CHD1L: variants seen among roughly 807,000 people sequenced by gnomAD.
The protein encoded by CHD1L is chromodomain helicase DNA binding protein 1 like.
A neutral mutation model predicts 115.9 loss-of-function variants in CHD1L; 118 were observed. That is an observed-to-expected ratio of 1.02 (90% CI 0.88 to 1.19). CHD1L has a LOEUF of 1.19. Among genes scored for constraint, CHD1L ranks in the 50% most tolerant of loss-of-function variants. CHD1L has a pLI of 0.00. For missense variants in CHD1L, 1,179 were observed against 1,065.3 expected, an observed-to-expected ratio of 1.11 and a Z score of -1.49; for synonymous variants, 411 against 387.1, an observed-to-expected ratio of 1.06 and a Z score of -0.72.
the CHD1L span, chr1:147,211,673 A>C: frequency 3.3e-5 from 5 of 152,254 alleles, no homozygotes; most frequent in African/African-American, 9.6e-5. Flanking sequence ...AACAAAATAC[A>C]ATATTGGCAT....
intron 13 of CHD1L, 150 bp from the exon 14 acceptor site, chr1:147,275,954 G>A (rs782025839): frequency 2.8e-6 from 2 of 707,678 alleles, no homozygotes; most frequent in Middle Eastern, 4.1e-4. Flanking sequence ...TCTCTAACAA[G>A]TGCTCAGGAC....
intron 21 of CHD1L, among the ~76,000 whole-genome samples, chr1:147,294,182 C>T (rs1406101070): frequency 6.6e-6 from 1 of 152,176 alleles, no homozygotes; most frequent in East Asian, 1.9e-4. Flanking sequence ...TTTGCCTCCA[C>T]CAATCATAAT....
At chr1:147,222,559 A>C in the CHD1L span, among the ~76,000 whole-genome samples, 2 of 152,218 alleles carry the variant, frequency 1.3e-5, no homozygotes. Flanking sequence ...TTGTCTGCAC[A>C]TTGGAATCAT....
At chr1:147,225,516 A>G in the CHD1L span, 1 of 161,238 alleles carries the variant, frequency 6.2e-6, no homozygotes, top group African/African-American at 2.4e-5. Flanking sequence ...TTTGGGCGAA[A>G]AAGTTAATCC....
At chr1:147,186,503 C>T in the CHD1L span, 1 of 990,148 alleles carries the variant, frequency 1.0e-6, no homozygotes, top group East Asian at 1.1e-4. Flanking sequence ...AAATCAAACC[C>T]TATCAGAAGA....
chr1:147,240,158 A>G (rs1664731390), upstream of CHD1L, among the ~76,000 whole-genome samples: 1 of 152,214 alleles, frequency 6.6e-6, no homozygotes, highest in Non-Finnish European at 1.5e-5. Context: ...AGAAGTAGAA[A>G]TAAGAGACTC....
intron 15 of CHD1L, among the ~76,000 whole-genome samples, chr1:147,280,413 T>G (rs1553961205): frequency 6.6e-6 from 1 of 152,206 alleles, no homozygotes; most frequent in Non-Finnish European, 1.5e-5. Context: ...TGAACCAAAA[T>G]CATAGTATTA....
intron 16 of CHD1L, 114 bp downstream of exon 16, chr1:147,284,613 G>A: frequency 1.1e-6 from 1 of 928,410 alleles, no homozygotes; most frequent in Non-Finnish European, 1.6e-6. Context: ...CAAGAAATAA[G>A]TATGTGTTTG....
upstream of CHD1L, chr1:147,242,649 A>T: frequency 8.0e-7 from 1 of 1,255,604 alleles, no homozygotes; most frequent in South Asian, 3.8e-5. Context: ...GCGCGTTGGG[A>T]AGTTGGGAGG....
chr1:147,272,198 C>T lies in CHD1L; in HGVS notation c.1187C>T (p.Ser396Phe). ...TACAGCTATGAGCGTGTGGATGGTTCTGTGAGAGGAGAAGAGAGACACTTG... is the reference window on the plus strand; with the variant it reads ...TACAGCTATGAGCGTGTGGATGGTTTTGTGAGAGGAGAAGAGAGACACTTG... ...RGYSYERVDG[S>F]VRGEERHLAI... Residue 396 changes from serine (S) to phenylalanine (F), a missense_variant, in exon 12 of 23, where the codon TCT becomes TTT. Ser to Phe is a radical substitution (Grantham distance 155). Coordinates refer to ENST00000369258, the MANE Select transcript of CHD1L (RefSeq NM_004284.6). The T allele has an allele frequency of 6.2e-7, 1 of 1,614,050 alleles. No individual in the cohort carries two copies. The highest frequency in any genetic ancestry group is 8.5e-7 in the Non-Finnish European group (1 of 1,179,966).
In CHD1L at chr1:147,276,141, G is replaced by C; in HGVS notation, c.1423G>C (p.Val475Leu). Residue 475 changes from valine (V) to leucine (L), a missense_variant, in exon 14 of 23, where the codon GTG becomes CTG. Physicochemically the swap from Val to Leu is conservative, Grantham distance 32. Transcript: ENST00000369258. ...KVIRLIGRDT[V>L]EEIVYRKAAS... ...TATTCGGCTGATTGGTCGAGACACT[G>C]TGGAAGAAATAGTCTATAGGAAAGC... is the stretch of plus-strand genomic sequence containing the variant. 6.2e-7 allele frequency: 1 copy of C among 1,614,150 alleles called. No homozygotes were observed. The highest frequency in any genetic ancestry group is 8.5e-7 in the Non-Finnish European group (1 of 1,180,000).
At chr1:147,212,327 T>C in the CHD1L span, 2 of 1,551,298 alleles carry the variant, frequency 1.3e-6, no homozygotes, top group Non-Finnish European at 1.8e-6. Context: ...TGGGTCCACC[T>C]GCAGCTTCCT....
chr1:147,192,060 C>A, the CHD1L span, among the ~76,000 whole-genome samples: 5 of 152,036 alleles, frequency 3.3e-5, no homozygotes, highest in Admixed American at 2.6e-4. Flanking sequence ...AGTCATTGGT[C>A]ACTTGATGCG....
intron 1 of CHD1L, among the ~76,000 whole-genome samples, chr1:147,248,210 A>AC (rs1157119594): frequency 1.3e-5 from 2 of 150,020 alleles, no homozygotes; most frequent in Non-Finnish European, 3.0e-5. Flanking sequence ...TGGAAGTCTT[A>AC]TTTTTTTTTT....
At chr1:147,282,268 A>C (rs1012629322) in intron 15 of CHD1L, among the ~76,000 whole-genome samples, 1 of 152,306 alleles carries the variant, frequency 6.6e-6, no homozygotes, top group South Asian at 2.1e-4. Flanking sequence ...TCCAGAGACC[A>C]ATCTTCTAGT....
At chr1:147,264,735 C>A in intron 7 of CHD1L, 151 bp downstream of exon 7, 1 of 733,006 alleles carries the variant, frequency 1.4e-6, no homozygotes, top group Non-Finnish European at 2.2e-6. Context: ...GATGTTAAGT[C>A]ACACATGTTG....
Position 147,242,830 on chromosome 1 carries a change from G to C in CHD1L, c.127G>C (p.Gly43Arg). ...GGACTTACGGCAGTGGGGGCTGACA[G>C]GTGAGCGGGCTCCGGGCGGACTTCG... ...EQDLRQWGLT[G>R]IHLRSYQLEG... Residue 43 changes from glycine (G) to arginine (R), a missense_variant and splice_region_variant, in exon 1 of 23, where the codon GGG (glycine) becomes CGG (arginine). Gly to Arg is a moderately radical substitution (Grantham distance 125). Coordinates refer to ENST00000369258, the MANE Select transcript of CHD1L (RefSeq NM_004284.6). 2 of 1,277,380 alleles carry C rather than the reference G, an allele frequency of 1.6e-6. No individual in the cohort carries two copies. The highest frequency in any genetic ancestry group is 2.0e-6 in the Non-Finnish European group (2 of 1,005,144). 79.1% of individuals were successfully genotyped at this position (1,277,380 alleles called of 1,614,324 possible). A position where few individuals can be genotyped will look rare whatever the true frequency, so the allele number is the denominator to read the frequency against.
chr1:147,184,727 T>C, the CHD1L span: 8 of 1,308,598 alleles, frequency 6.1e-6, no homozygotes, highest in South Asian at 1.4e-4. The surrounding 1 kb of genome is among the most constrained non-coding windows in gnomAD (Gnocchi z 4.4). Flanking sequence ...GACTTATTAC[T>C]GTTAGTGTTA....
At chr1:147,259,769 T>C (rs1671291994) in intron 5 of CHD1L, 68 bp from the exon 6 acceptor site, 1 of 1,348,382 alleles carries the variant, frequency 7.4e-7, no homozygotes, top group Non-Finnish European at 1.1e-6. Context: ...AGTTTTGTAG[T>C]AAGACTTTTG....
Sources: allele counts gnomAD v4.1 joint callset (sites outside exome capture counted in the v4.1 genomes callset), GRCh38; gene constraint gnomAD v4.1.1; non-coding constraint Gnocchi (gnomAD v3.1); transcripts MANE v1.5; gene names NCBI Gene and HGNC (gene_info 2026-07-23, HGNC 2026-07-21).